MYO6: variants seen among roughly 807,000 people sequenced by gnomAD.
MYO6 encodes unconventional myosin-VI.
MYO6 carries 74 observed loss-of-function variants against 178.7 expected under a neutral mutation model. That is an observed-to-expected ratio of 0.41 (90% CI 0.34 to 0.50). The LOEUF is 0.50. Among genes scored for constraint, MYO6 ranks in the 20% least tolerant of loss-of-function variants. The pLI, the probability that MYO6 is intolerant of heterozygous loss-of-function variation, is 0.09. For missense variants in MYO6, 1,330 were observed against 1,547.4 expected, an observed-to-expected ratio of 0.86 and a Z score of 2.36; for synonymous variants, 477 against 504.6, an observed-to-expected ratio of 0.95 and a Z score of 0.73.
intron 18 of MYO6, chr6:75,867,455 C>T (rs569669698): frequency 1.7e-4 from 39 of 232,888 alleles, no homozygotes; most frequent in Non-Finnish European, 2.8e-4. Flanking sequence ...CTGGAGTAGT[C>T]CAGCTCGGGA....
intron 30 of MYO6, 36 bp downstream of exon 30, chr6:75,898,447 C>T (rs1223008546): frequency 6.5e-7 from 1 of 1,546,526 alleles, no homozygotes. Context: ...TAAGTGTTCA[C>T]CTCAAAATCA....
At chr6:75,906,615 G>A (rs1363070443) in intron 30 of MYO6, among the ~76,000 whole-genome samples, 1 of 152,146 alleles carries the variant, frequency 6.6e-6, no homozygotes, top group Non-Finnish European at 1.5e-5. Flanking sequence ...GGTGGAGGTT[G>A]CAGTGAGCCA....
At position 75,880,136 on chromosome 6, in the gene MYO6, T is replaced by C; in HGVS notation, c.2286+16T>C. 1.3e-6 allele frequency: 2 copies of C among 1,569,094 alleles called. No homozygotes were observed. The highest frequency in any genetic ancestry group is 2.2e-5 in the East Asian group (1 of 44,544). ...ACCTGGCAAGGTAAATATACATTTT[T>C]TACTTTAAACTGTAACATCATGAAA... On this transcript the variant is annotated intron_variant, in intron 22 of 34. Transcript: ENST00000369977.
At chr6:75,851,806 A>G (rs1461076921) in intron 11 of MYO6, among the ~76,000 whole-genome samples, 1 of 152,012 alleles carries the variant, frequency 6.6e-6, no homozygotes, top group Non-Finnish European at 1.5e-5. Flanking sequence ...GCACCACTGC[A>G]CTCCAGCTTG....
At position 75,849,781 on chromosome 6, in the gene MYO6, T is replaced by C. The variant is rs533963722; in HGVS notation, c.1078+1250T>C. ...AGCGAGAAACAAAGGCAGTAAATTATTTTGTGATGTGTTTTAGATTTTGAG... is the reference window on the plus strand; with the variant it reads ...AGCGAGAAACAAAGGCAGTAAATTACTTTGTGATGTGTTTTAGATTTTGAG... On this transcript the variant is annotated intron_variant, in intron 11 of 34. Coordinates refer to ENST00000369977, the MANE Select transcript of MYO6 (RefSeq NM_004999.4). 2.9e-4 allele frequency among the ~76,000 whole-genome samples: 44 copies of C among 152,266 alleles called. No individual in the cohort carries two copies. The South Asian group carries it at 9.1e-3, about 32-fold the overall frequency.
At chr6:75,770,559 C>T (rs781288010) in intron 1 of MYO6, among the ~76,000 whole-genome samples, 9 of 152,296 alleles carry the variant, frequency 5.9e-5, no homozygotes, top group East Asian at 1.9e-4. Flanking sequence ...TTATTGCAAC[C>T]TCCGCCTCCC....
intron 30 of MYO6, among the ~76,000 whole-genome samples, chr6:75,899,990 G>GT (rs1275736783): frequency 6.7e-6 from 1 of 148,904 alleles, no homozygotes; most frequent in Non-Finnish European, 1.5e-5. Flanking sequence ...GTGGTGTTTG[G>GT]TTTTTTGTTC....
chr6:75,812,329 T>G (rs1583162853), intron 1 of MYO6, among the ~76,000 whole-genome samples: 2 of 152,186 alleles, frequency 1.3e-5, no homozygotes, highest in East Asian at 3.8e-4. Context: ...TGTGTGTTGA[T>G]ACATAGTAGG....
chr6:75,786,886 A>G (rs59340910), intron 1 of MYO6, among the ~76,000 whole-genome samples: 2,657 of 152,310 alleles, frequency 0.017, 54 homozygotes, highest in East Asian at 0.11. Flanking sequence ...TCATCTGACC[A>G]TAGGTAACAG....
chr6:75,813,862 C>A lies in MYO6; in HGVS notation c.-47-3639C>A, dbSNP rs905184371. ...AGGGCCTGGAATGGGGGCCTCAGGA[C>A]CTGCCCTGTTCTCTATTCTACTGGG... On this transcript the variant is annotated intron_variant, in intron 1 of 34. Coordinates refer to ENST00000369977, the MANE Select transcript of MYO6 (RefSeq NM_004999.4). Among the ~76,000 whole-genome samples, 4 of 152,296 alleles carry A rather than the reference C, an allele frequency of 2.6e-5. No individual in the cohort carries two copies. The East Asian group carries it at 7.7e-4, about 29-fold the overall frequency.
At chr6:75,875,755 C>G (rs147147866) in intron 20 of MYO6, among the ~76,000 whole-genome samples, 21 of 152,346 alleles carry the variant, frequency 1.4e-4, no homozygotes, top group African/African-American at 4.6e-4. Context: ...CTGATAGTCT[C>G]TAATCCAAGC....
chr6:75,846,000 G>A, intron 10 of MYO6, among the ~76,000 whole-genome samples: 1 of 145,796 alleles, frequency 6.9e-6, no homozygotes. Flanking sequence ...AAAAAAAAAA[G>A]CTTATATATT....
chr6:75,769,432 G>A (rs1487944140), intron 1 of MYO6, among the ~76,000 whole-genome samples: 1 of 152,228 alleles, frequency 6.6e-6, no homozygotes, highest in African/African-American at 2.4e-5. Flanking sequence ...CCAGAAGGGA[G>A]GAATTGGCTA....
intron 17 of MYO6, 74 bp from the exon 18 acceptor site, chr6:75,866,858 C>G: frequency 6.7e-7 from 1 of 1,498,526 alleles, no homozygotes; most frequent in East Asian, 2.3e-5. Flanking sequence ...ACAGAAAGTT[C>G]CTTTGGACAG....
At chr6:75,772,405 G>T (rs1197547343) in intron 1 of MYO6, among the ~76,000 whole-genome samples, 1 of 151,966 alleles carries the variant, frequency 6.6e-6, no homozygotes, top group African/African-American at 2.4e-5. Flanking sequence ...GCCTAATTTA[G>T]ATAAACTTTC....
intron 1 of MYO6, among the ~76,000 whole-genome samples, chr6:75,805,118 T>A (rs1190791633): frequency 6.7e-6 from 1 of 148,370 alleles, no homozygotes; most frequent in Non-Finnish European, 1.5e-5. Context: ...TCTGCCTCGT[T>A]GGTTCAAGTG....
intron 1 of MYO6, among the ~76,000 whole-genome samples, chr6:75,784,420 G>C (rs1007905006): frequency 1.3e-5 from 2 of 151,940 alleles, no homozygotes; most frequent in African/African-American, 4.8e-5. Context: ...GAGTGTAATA[G>C]AATCAGGCTG....
intron 1 of MYO6, among the ~76,000 whole-genome samples, chr6:75,791,340 G>A (rs1028335796): frequency 6.6e-6 from 1 of 152,142 alleles, no homozygotes; most frequent in African/African-American, 2.4e-5. Context: ...TTTTTAAGGT[G>A]AGATTTAATG....
chr6:75,776,900 G>T (rs189828409), intron 1 of MYO6, among the ~76,000 whole-genome samples: 86 of 152,116 alleles, frequency 5.7e-4, no homozygotes, highest in South Asian at 6.2e-4. Flanking sequence ...ATTTTTTTAT[G>T]TAACAATAGC....
Sources: allele counts gnomAD v4.1 joint callset (sites outside exome capture counted in the v4.1 genomes callset), GRCh38; gene constraint gnomAD v4.1.1; transcripts MANE v1.5; gene names NCBI Gene and HGNC (gene_info 2026-07-23, HGNC 2026-07-21).